TBC1D16: variants seen among roughly 807,000 people sequenced by gnomAD.
TBC1D16 encodes the protein CTD-2529O21.1.
A neutral mutation model predicts 74.7 loss-of-function variants in TBC1D16; 58 were observed. The ratio of observed to expected loss-of-function variants is 0.78; its 90% confidence interval spans 0.63 to 0.97. The LOEUF (loss-of-function observed/expected upper bound fraction) is 0.97, where lower values mean the gene tolerates loss of function less well. Among genes scored for constraint, TBC1D16 ranks in the 50% least tolerant of loss-of-function variants. The pLI is 0.00. For missense variants in TBC1D16, 1,014 were observed against 1,079.5 expected, an observed-to-expected ratio of 0.94 and a Z score of 0.85; for synonymous variants, 493 against 474.7, an observed-to-expected ratio of 1.04 and a Z score of -0.50.
intron 3 of TBC1D16, among the ~76,000 whole-genome samples, chr17:79,966,084 C>A (rs1568595339): frequency 6.6e-6 from 1 of 152,212 alleles, no homozygotes; most frequent in Non-Finnish European, 1.5e-5. Flanking sequence ...CTAGGAGACT[C>A]CTCCTTTGAG....
rs2032918041 is a variant in TBC1D16, at chr17:79,950,041, C to T, written c.1258-176G>A. Among the ~76,000 whole-genome samples the T allele has an allele frequency of 6.6e-6, 1 of 152,204 alleles. No individual in the cohort carries two copies. Among genetic ancestry groups the T allele is most frequent in the African/African-American group, 2.4e-5 (1 of 41,456 alleles). The stretch of plus-strand genomic sequence containing the variant: ...CTTCAATTCCCATACAGGACACAAA[C>T]CCGGCTCATTTCAATGTCAATGCCC... On this transcript the variant is annotated intron_variant, in intron 6 of 11. Transcript: ENST00000310924. This position sits in a 1 kb window ranked among gnomAD's most constrained non-coding sequence, Gnocchi z 4.6.
chr17:79,947,918 T>C, intron 8 of TBC1D16, 87 bp from the exon 9 acceptor site: 1 of 1,156,338 alleles, frequency 8.6e-7, no homozygotes, highest in Non-Finnish European at 1.2e-6. Flanking sequence ...CCGTGGACCC[T>C]GCCTTCCCTC....
In TBC1D16 at chr17:80,009,108, G is replaced by A. The variant is rs1392005074; in HGVS notation, c.779+1052C>T. Among the ~76,000 whole-genome samples the A allele has an allele frequency of 6.6e-6, 1 of 152,206 alleles. No individual in the cohort carries two copies. On this transcript the variant is annotated intron_variant, in intron 3 of 11. Coordinates refer to ENST00000310924, the MANE Select transcript of TBC1D16 (RefSeq NM_019020.4). This position sits in a 1 kb window ranked among gnomAD's most constrained non-coding sequence, Gnocchi z 5.4. Reference sequence around the variant, plus strand: ...GCGTGGGGCTGTGGAAAGCACACACGTACCATCCATAGCCCACGGTGTCCA... The same window carrying A: ...GCGTGGGGCTGTGGAAAGCACACACATACCATCCATAGCCCACGGTGTCCA...
chr17:79,998,436 T>C (rs1168943111), intron 3 of TBC1D16, among the ~76,000 whole-genome samples: 1 of 151,378 alleles, frequency 6.6e-6, no homozygotes, highest in African/African-American at 2.4e-5. Flanking sequence ...CAAGCAATCC[T>C]CCTGCCTCAG....
At chr17:80,024,452 ACACACACCATAGACACACACAC>A in intron 1 of TBC1D16, among the ~76,000 whole-genome samples, 1 of 6,238 alleles carries the variant, frequency 1.6e-4, no homozygotes, top group Admixed American at 2.1e-3. Flanking sequence ...CACACACACC[ACACACACCATAGACACACACAC>A]CACACACCAT....
chr17:79,945,019 C>G lies in TBC1D16; in HGVS notation c.1797G>C (p.Glu599Asp), dbSNP rs1484317456. The stretch of plus-strand genomic sequence containing the variant: ...GGCAGAAGAGCATCTGCAGGCCGTC[C>G]TCGCCCAGCGAGACCAGGTGCTGGT... The part of the protein sequence containing the change: ...RFYQHLVSLG[E>D]DGLQMLFCHR... Residue 599 changes from glutamate to aspartate, a missense_variant, in exon 10 of 12, where the codon GAG becomes GAC. Transcript: ENST00000310924. 6.3e-7 allele frequency: 1 copy of G among 1,580,446 alleles called. No homozygotes were observed. Among genetic ancestry groups the G allele is most frequent in the South Asian group, 1.2e-5 (1 of 86,132 alleles).
Position 79,974,778 on chromosome 17 carries a change from A to AGGCTGCAC in TBC1D16, c.780-21968_780-21961dup, listed in dbSNP as rs1180575428. 9.9e-5 allele frequency among the ~76,000 whole-genome samples: 15 copies of AGGCTGCAC among 152,250 alleles called. No individual in the cohort carries two copies. In the East Asian group the frequency reaches 2.9e-3, roughly 29 times the overall value. On this transcript the variant is annotated intron_variant, in intron 3 of 11. Coordinates refer to ENST00000310924, the MANE Select transcript of TBC1D16 (RefSeq NM_019020.4). Reference sequence around the variant, plus strand: ...CTAGCTAACCCTGGGGACCCAGCAAAGGCTGCACCAACTCACAGGTGGGGC... The same window carrying AGGCTGCAC: ...CTAGCTAACCCTGGGGACCCAGCAAAGGCTGCACGGCTGCACCAACTCACAGGTGGGGC...
At chr17:79,973,627 A>G (rs1280841850) in intron 3 of TBC1D16, among the ~76,000 whole-genome samples, 1 of 151,764 alleles carries the variant, frequency 6.6e-6, no homozygotes, top group East Asian at 1.9e-4. Context: ...GAAGAATGGC[A>G]TGAACCCCAG....
chr17:80,008,019 G>GAA lies in TBC1D16; in HGVS notation c.779+2140_779+2141insTT, dbSNP rs2035742813. 6.9e-6 allele frequency among the ~76,000 whole-genome samples: 1 copy of GAA among 145,674 alleles called. No homozygotes were observed. On this transcript the variant is annotated intron_variant, in intron 3 of 11. Transcript: ENST00000310924. This position sits in a 1 kb window ranked among gnomAD's most constrained non-coding sequence, Gnocchi z 4.5. ...CCAATACATCCCCACCCTCAGTTGT[G>GAA]ATAAAAAAAAAAAAAAAGTGTCTCC... is the stretch of plus-strand genomic sequence containing the variant.
chr17:80,034,109 T>G (rs1207676973), intron 1 of TBC1D16, among the ~76,000 whole-genome samples: 1 of 152,140 alleles, frequency 6.6e-6, no homozygotes, highest in Non-Finnish European at 1.5e-5. Context: ...GTGGGTTAAG[T>G]GAATTCATGC....
chr17:79,980,501 A>G lies in TBC1D16; in HGVS notation c.780-27683T>C, dbSNP rs574272102. Among the ~76,000 whole-genome samples, 94 of 152,278 alleles carry G rather than the reference A, an allele frequency of 6.2e-4. No homozygotes were observed. Among genetic ancestry groups the G allele is most frequent in the African/African-American group, 2.2e-3 (93 of 41,542 alleles). On this transcript the variant is annotated intron_variant, in intron 3 of 11. Transcript: ENST00000310924. The surrounding 1 kb of genome is among the most constrained non-coding windows in gnomAD (Gnocchi z 7.0). ...AGGGTTTGTCCAGAAAAAGACACAG[A>G]ACCCGCAGGCCCTGGAGGACCCTGA... is the stretch of plus-strand genomic sequence containing the variant.
At position 79,941,155 on chromosome 17, in the gene TBC1D16, C is replaced by G; in HGVS notation, c.2056-48G>C. On this transcript the variant is annotated intron_variant, in intron 11 of 11. Coordinates refer to ENST00000310924, the MANE Select transcript of TBC1D16 (RefSeq NM_019020.4). This position sits in a 1 kb window ranked among gnomAD's most constrained non-coding sequence, Gnocchi z 4.3. ...GAGGAGGGGCCGGGGGACAGCCTGG[C>G]AGCCTAGGGTCCCCATGGGAGTGGC... 1 of 1,505,358 alleles carries G rather than the reference C, an allele frequency of 6.6e-7. No homozygotes were observed. Among genetic ancestry groups the G allele is most frequent in the Non-Finnish European group, 9.0e-7 (1 of 1,116,196 alleles). 93.3% of individuals were successfully genotyped at this position (1,505,358 alleles called of 1,614,324 possible).
At position 80,009,345 on chromosome 17, in the gene TBC1D16, G is replaced by C. The variant is rs1425996412; in HGVS notation, c.779+815C>G. 3.3e-5 allele frequency among the ~76,000 whole-genome samples: 5 copies of C among 152,338 alleles called. No individual in the cohort carries two copies. The East Asian group carries it at 9.6e-4, about 29-fold the overall frequency. On this transcript the variant is annotated intron_variant, in intron 3 of 11. Transcript: ENST00000310924. The surrounding 1 kb of genome is among the most constrained non-coding windows in gnomAD (Gnocchi z 5.4). ...AGTCGGATGCAGGCCCCCTGTGCTGGCTCTGGGGCTCCGGGCTTATGCGAC... is the reference window on the plus strand; with the variant it reads ...AGTCGGATGCAGGCCCCCTGTGCTGCCTCTGGGGCTCCGGGCTTATGCGAC...
chr17:79,951,686 C>T (rs1598337842), intron 4 of TBC1D16, 89 bp from the exon 5 acceptor site: 18 of 1,471,116 alleles, frequency 1.2e-5, no homozygotes, highest in East Asian at 4.7e-5. Context: ...AGGCCACTGT[C>T]GCCAACCTCA....
rs1348016169 is a variant in TBC1D16 at position 79,981,078 on chromosome 17, A to C, written c.780-28260T>G. Among the ~76,000 whole-genome samples, 1 of 152,162 alleles carries C rather than the reference A, an allele frequency of 6.6e-6. No homozygotes were observed. The highest frequency in any genetic ancestry group is 1.5e-5 in the Non-Finnish European group (1 of 68,030). ...ATATTCATTTAAATTCCATCCACAC[A>C]CTTGTCACAGCAAAGCTGAATTCTG... On this transcript the variant is annotated intron_variant, in intron 3 of 11. Transcript: ENST00000310924. This position sits in a 1 kb window ranked among gnomAD's most constrained non-coding sequence, Gnocchi z 6.9.
chr17:79,964,522 G>A (rs1362182219), intron 3 of TBC1D16, among the ~76,000 whole-genome samples: 1 of 152,094 alleles, frequency 6.6e-6, no homozygotes, highest in Non-Finnish European at 1.5e-5. Flanking sequence ...AAGACATTGG[G>A]GGGACACGAA....
intron 1 of TBC1D16, among the ~76,000 whole-genome samples, chr17:80,024,450 CCA>C (rs80146908): frequency 0.094 from 613 of 6,538 alleles, 14 homozygotes; most frequent in Non-Finnish European, 0.11. Context: ...GACACACACA[CCA>C]CACACACCAT....
At chr17:79,960,526 C>T (rs934693489) in intron 3 of TBC1D16, among the ~76,000 whole-genome samples, 2 of 152,062 alleles carry the variant, frequency 1.3e-5, no homozygotes, top group East Asian at 1.9e-4. Context: ...GAAGCTGAGG[C>T]GGGTGGGTCA....
rs1451145450 is a variant in TBC1D16, at chr17:80,003,608, T to C, written c.779+6552A>G. Reference sequence around the variant, plus strand: ...ACATTGGTTTTCATTCTAAGCTTAATATAATCACAGAATAACATTTTTGAA... The same window carrying C: ...ACATTGGTTTTCATTCTAAGCTTAACATAATCACAGAATAACATTTTTGAA... On this transcript the variant is annotated intron_variant, in intron 3 of 11. Coordinates refer to ENST00000310924, the MANE Select transcript of TBC1D16 (RefSeq NM_019020.4). Among the ~76,000 whole-genome samples the C allele has an allele frequency of 2.7e-5, 4 of 150,130 alleles. No individual in the cohort carries two copies. In the East Asian group the frequency reaches 7.8e-4, roughly 29 times the overall value.
Sources: allele counts gnomAD v4.1 joint callset (sites outside exome capture counted in the v4.1 genomes callset), GRCh38; gene constraint gnomAD v4.1.1; non-coding constraint Gnocchi (gnomAD v3.1); transcripts MANE v1.5; gene names NCBI Gene and HGNC (gene_info 2026-07-23, HGNC 2026-07-21).